PCDHA2: variants seen among roughly 807,000 people sequenced by gnomAD.
PCDHA2 encodes protocadherin alpha 2, also known as protocadherin alpha-2.
A neutral mutation model predicts 66.0 loss-of-function variants in PCDHA2; 58 were observed. That is an observed-to-expected ratio of 0.88 (90% confidence interval 0.71 to 1.09). PCDHA2 has a LOEUF of 1.09. Ranked by LOEUF, PCDHA2 falls within the 50% of genes least tolerant of loss-of-function variation. The pLI is 0.00. For synonymous variants in PCDHA2, 634 were observed against 554.0 expected, an observed-to-expected ratio of 1.14 and a Z score of -2.03; for missense variants, 1,267 against 1,242.3, an observed-to-expected ratio of 1.02 and a Z score of -0.30.
chr5:140,958,066 C>T (rs782243559), intron 1 of PCDHA2, among the ~76,000 whole-genome samples: 2 of 151,900 alleles, frequency 1.3e-5, no homozygotes, highest in African/African-American at 4.8e-5. Context: ...AGAAAAAACA[C>T]AGAAGCAAAA....
At chr5:140,836,639 G>A in intron 1 of PCDHA2, 1 of 1,613,412 alleles carries the variant, frequency 6.2e-7, no homozygotes. Context: ...CATTCTCCCA[G>A]CAGAGGCGGC....
chr5:140,823,870 C>T, intron 1 of PCDHA2: 5 of 1,613,918 alleles, frequency 3.1e-6, no homozygotes, highest in Non-Finnish European at 3.4e-6. Flanking sequence ...CAACGTGTAC[C>T]TGATCATCGC....
At chr5:140,897,580 G>A (rs1420816335) in intron 1 of PCDHA2, among the ~76,000 whole-genome samples, 1 of 151,964 alleles carries the variant, frequency 6.6e-6, no homozygotes, top group African/African-American at 2.4e-5. Flanking sequence ...TCTTAATCCA[G>A]TCTGTCATTG....
In PCDHA2 at chr5:140,796,938, G is replaced by A. The variant is rs1762159476; in HGVS notation, c.1974G>A (p.Ala658=). 6.2e-7 allele frequency: 1 copy of A among 1,613,838 alleles called. No individual in the cohort carries two copies. The highest frequency in any genetic ancestry group is 1.1e-5 in the South Asian group (1 of 91,080). The part of the protein sequence containing the change: ...LVLVKDHGEP[A]LTATATVLVS... Reference sequence around the variant, plus strand: ...TGGTGAAGGACCACGGCGAACCAGCGTTGACAGCCACGGCCACCGTGTTAG... The same window carrying A: ...TGGTGAAGGACCACGGCGAACCAGCATTGACAGCCACGGCCACCGTGTTAG... The change falls in exon 1 of 4, where the codon GCG becomes GCA. Residue 658 remains alanine (A), a synonymous_variant. Transcript: ENST00000526136.
intron 2 of PCDHA2, among the ~76,000 whole-genome samples, chr5:140,979,246 C>A (rs944063929): frequency 2.0e-5 from 3 of 152,206 alleles, no homozygotes; most frequent in African/African-American, 7.2e-5. Context: ...AAACAGGCTG[C>A]TATGTATTTT....
chr5:140,914,052 G>T (rs1485469381), intron 1 of PCDHA2, among the ~76,000 whole-genome samples: 1 of 152,172 alleles, frequency 6.6e-6, no homozygotes, highest in East Asian at 1.9e-4. Flanking sequence ...TTCTGCAGCT[G>T]TTGGATGAAA....
rs183711966 is a variant in PCDHA2 at position 140,861,816 on chromosome 5, C to G, written c.2388+64464C>G. 643 of 159,770 alleles carry G rather than the reference C, an allele frequency of 4.0e-3. 2 individuals carry two copies. The highest frequency in any genetic ancestry group is 5.6e-3 in the Non-Finnish European group (413 of 73,346). 9.9% of individuals were successfully genotyped at this position (159,770 alleles called of 1,614,324 possible). A position where few individuals can be genotyped will look rare whatever the true frequency, so the allele number is the denominator to read the frequency against. On this transcript the variant is annotated intron_variant, in intron 1 of 3. Coordinates refer to ENST00000526136, the MANE Select transcript of PCDHA2 (RefSeq NM_018905.3). ...TGAAGGTGTATTTTAAAAATTCTTT[C>G]AGATAGGTAAGTCACTTCAGAGCTA...
chr5:140,875,335 C>A, intron 1 of PCDHA2: 2 of 1,438,768 alleles, frequency 1.4e-6, no homozygotes, highest in East Asian at 2.5e-5. Context: ...GGAATAGGAT[C>A]GACTCCATAA....
chr5:140,928,426 T>G (rs1563104997), intron 1 of PCDHA2: 2 of 1,614,134 alleles, frequency 1.2e-6, no homozygotes, highest in Non-Finnish European at 1.7e-6. Context: ...TGCCAAAACT[T>G]CCTTTGACTT....
chr5:140,949,528 A>G (rs2094388709), intron 1 of PCDHA2, among the ~76,000 whole-genome samples: 1 of 151,854 alleles, frequency 6.6e-6, no homozygotes, highest in Non-Finnish European at 1.5e-5. Context: ...TTTTATCTTC[A>G]TAAAATATCG....
chr5:140,867,997 T>C (rs2050231431), intron 1 of PCDHA2: 1 of 152,144 alleles, frequency 6.6e-6, no homozygotes. Flanking sequence ...TTCATGAATA[T>C]AACTGAATTA....
Position 140,968,052 on chromosome 5 carries a change from G to A in PCDHA2, c.2389-10897G>A, listed in dbSNP as rs990784546. ...CTGGTGGTGAGCGGCCCACTGGACC[G>A]AGAGCGGGTGGCTGTCTACAACATC... On this transcript the variant is annotated intron_variant, in intron 1 of 3. Transcript: ENST00000526136. The A allele has an allele frequency of 5.0e-6, 8 of 1,614,014 alleles. No homozygotes were observed. In the Admixed American group the frequency reaches 5.0e-5, roughly 10 times the overall value.
In PCDHA2 at chr5:140,846,477, T is replaced by C. The variant is rs1780501842; in HGVS notation, c.2388+49125T>C. ...GCAACCTCTGCCTCCCGGGTTCAAA[T>C]GATTCTCCTTCCTCAGCCTCCCAAG... is the stretch of plus-strand genomic sequence containing the variant. On this transcript the variant is annotated intron_variant, in intron 1 of 3. Coordinates refer to ENST00000526136, the MANE Select transcript of PCDHA2 (RefSeq NM_018905.3). Among the ~76,000 whole-genome samples the C allele has an allele frequency of 1.4e-5, 2 of 143,268 alleles. 1 individual carries two copies. Among genetic ancestry groups the C allele is most frequent in the Non-Finnish European group, 3.1e-5 (2 of 65,332 alleles). 94.0% of individuals were successfully genotyped at this position (143,268 alleles called of 152,430 possible).
At chr5:140,808,045 G>A (rs150161354) in intron 1 of PCDHA2, 13 of 1,613,670 alleles carry the variant, frequency 8.1e-6, no homozygotes, top group African/African-American at 2.7e-5. Flanking sequence ...ATGATATTTC[G>A]CCAAATGTGA....
At chr5:140,902,199 CTT>C (rs1290062929) in intron 1 of PCDHA2, among the ~76,000 whole-genome samples, 2 of 139,232 alleles carry the variant, frequency 1.4e-5, no homozygotes, top group Admixed American at 7.2e-5. Flanking sequence ...CTCTCTCTCT[CTT>C]TCTTTTTTTT....
At chr5:140,803,057 C>T (rs782603015) in intron 1 of PCDHA2, 8 of 1,613,884 alleles carry the variant, frequency 5.0e-6, no homozygotes, top group African/African-American at 1.3e-5. Context: ...GTGCGCGCAT[C>T]CCGTTTCGCG....
intron 1 of PCDHA2, among the ~76,000 whole-genome samples, chr5:140,906,790 C>A (rs1381392314): frequency 6.6e-6 from 1 of 152,276 alleles, no homozygotes; most frequent in South Asian, 2.1e-4. Flanking sequence ...TTGTGTATTC[C>A]ATGCATACTC....
chr5:140,965,857 A>G (rs1563345275), intron 1 of PCDHA2, among the ~76,000 whole-genome samples: 1 of 152,220 alleles, frequency 6.6e-6, no homozygotes, highest in South Asian at 2.1e-4. Context: ...GCACACACTG[A>G]AAATAAGGGC....
At chr5:140,954,476 G>C (rs1467215585) in intron 1 of PCDHA2, among the ~76,000 whole-genome samples, 1 of 152,192 alleles carries the variant, frequency 6.6e-6, no homozygotes, top group Non-Finnish European at 1.5e-5. Context: ...ACTGGTGTGA[G>C]AAGATATTTC....
Sources: gnomAD v4.1 joint callset for allele counts (sites outside exome capture counted in the v4.1 genomes callset) on GRCh38, gnomAD v4.1.1 for gene constraint, MANE v1.5 for transcripts, NCBI Gene and HGNC (gene_info 2026-07-23, HGNC 2026-07-21) for gene names.